ARMC9: variants seen among roughly 807,000 people sequenced by gnomAD.
ARMC9 encodes the protein armadillo repeat containing 9, also known as lisH domain-containing protein ARMC9.
ARMC9 carries 94 observed loss-of-function variants against 107.0 expected under a neutral mutation model. That is an observed-to-expected ratio of 0.88 (90% CI 0.74 to 1.04). The LOEUF (loss-of-function observed/expected upper bound fraction) is 1.04, where lower values mean the gene tolerates loss of function less well. Among genes scored for constraint, ARMC9 ranks in the 50% least tolerant of loss-of-function variants. The probability of loss-of-function intolerance (pLI) is 0.00; values close to 1 mark genes in which losing one functional copy is unlikely to be tolerated. For missense variants in ARMC9, 942 were observed against 1,030.1 expected, an observed-to-expected ratio of 0.91 and a Z score of 1.17; for synonymous variants, 380 against 396.9, an observed-to-expected ratio of 0.96 and a Z score of 0.51.
At chr2:231,292,287 A>C (rs1455754499) in intron 18 of ARMC9, among the ~76,000 whole-genome samples, 2 of 152,062 alleles carry the variant, frequency 1.3e-5, no homozygotes, top group Non-Finnish European at 2.9e-5. Context: ...CAATTACAGA[A>C]ACCCTCCCCT....
intron 23 of ARMC9, among the ~76,000 whole-genome samples, chr2:231,368,368 G>A (rs996903799): frequency 6.6e-6 from 1 of 152,078 alleles, no homozygotes; most frequent in Middle Eastern, 3.2e-3. Flanking sequence ...TTCTCAGCAC[G>A]CGTGAGCTTG....
chr2:231,269,043 C>T (rs1478885545), intron 12 of ARMC9, among the ~76,000 whole-genome samples: 1 of 152,086 alleles, frequency 6.6e-6, no homozygotes, highest in Non-Finnish European at 1.5e-5. Context: ...TCATCCTGGG[C>T]AACAAAGTGA....
intron 2 of ARMC9, among the ~76,000 whole-genome samples, chr2:231,206,579 T>A (rs1022116044): frequency 6.6e-6 from 1 of 152,240 alleles, no homozygotes; most frequent in African/African-American, 2.4e-5. Flanking sequence ...CCAGACTTTT[T>A]TCTATGTATA....
rs1374027961 is a variant in ARMC9, at chr2:231,355,978, T to A, written c.2131+44T>A. 2.7e-6 allele frequency: 4 copies of A among 1,505,702 alleles called. No individual in the cohort carries two copies. In the South Asian group the frequency reaches 3.7e-5, roughly 14 times the overall value. 93.3% of individuals were successfully genotyped at this position (1,505,702 alleles called of 1,614,324 possible). ...CACTGGGTCAGTTCTGGGATTGTGA[T>A]GTCTAGAACCTACGCAAAACAGCAG... On this transcript the variant is annotated intron_variant, in intron 22 of 24. Coordinates refer to ENST00000611582, the MANE Select transcript of ARMC9 (RefSeq NM_001352754.2).
At chr2:231,217,695 CAT>C (rs2033669280) in intron 5 of ARMC9, among the ~76,000 whole-genome samples, 1 of 152,012 alleles carries the variant, frequency 6.6e-6, no homozygotes, top group Admixed American at 6.6e-5. Context: ...TTGTAACACA[CAT>C]ATGTTTTGTT....
intron 19 of ARMC9, among the ~76,000 whole-genome samples, chr2:231,327,641 A>G (rs1020160131): frequency 6.6e-6 from 1 of 152,240 alleles, no homozygotes; most frequent in African/African-American, 2.4e-5. Context: ...TGAAACATTC[A>G]TATACAGATT....
chr2:231,348,318 T>A (rs1343556350), intron 21 of ARMC9, among the ~76,000 whole-genome samples: 1 of 152,162 alleles, frequency 6.6e-6, no homozygotes, highest in Non-Finnish European at 1.5e-5. Context: ...GCAGACACCC[T>A]CTAGAAACTG....
chr2:231,337,526 G>GTGGCAGGA (rs2044212198), intron 20 of ARMC9, among the ~76,000 whole-genome samples: 1 of 123,340 alleles, frequency 8.1e-6, no homozygotes, highest in African/African-American at 3.5e-5. Context: ...CTGGAGTTCA[G>GTGGCAGGA]TGGCGGGATC....
intron 21 of ARMC9, among the ~76,000 whole-genome samples, chr2:231,355,397 G>A (rs1299814051): frequency 6.6e-6 from 1 of 152,206 alleles, no homozygotes; most frequent in Admixed American, 6.5e-5. Context: ...TGCCACGGCT[G>A]ACATGACATG....
chr2:231,314,356 G>A (rs2125520367), intron 19 of ARMC9, among the ~76,000 whole-genome samples: 1 of 152,308 alleles, frequency 6.6e-6, no homozygotes, highest in East Asian at 1.9e-4. Flanking sequence ...GGGATTACAG[G>A]TGTGAGCCAC....
rs1400011706 is a variant in ARMC9 at position 231,337,288 on chromosome 2, ATATTTTTTTTTT to A, written c.1878+5393_1878+5404del. 3.0e-3 allele frequency among the ~76,000 whole-genome samples: 156 copies of A among 52,298 alleles called. 1 individual carries two copies. Among genetic ancestry groups the A allele is most frequent in the Admixed American group, 5.4e-3 (21 of 3,898 alleles). 34.3% of individuals were successfully genotyped at this position (52,298 alleles called of 152,430 possible). A position where few individuals can be genotyped will look rare whatever the true frequency, so the allele number is the denominator to read the frequency against. On this transcript the variant is annotated intron_variant, in intron 20 of 24. Transcript: ENST00000611582. Reference sequence around the variant, plus strand: ...TGTGTGTGTATATATATATATATATATATTTTTTTTTTTTTTTTTTTTTTTTTGAGACAGTGT... The same window carrying A: ...TGTGTGTGTATATATATATATATATATTTTTTTTTTTTTTTGAGACAGTGT...
rs7560711 is a variant in ARMC9, at chr2:231,218,199, A to G, written c.504+1406A>G. 6.0e-4 allele frequency among the ~76,000 whole-genome samples: 91 copies of G among 152,304 alleles called. 1 individual carries two copies. Among genetic ancestry groups the G allele is most frequent in the African/African-American group, 2.0e-3 (85 of 41,568 alleles). Reference sequence around the variant, plus strand: ...TTTCATTAAAGCAGGCCTTTTGTAGAGTAGCCCAAGTTGAAATTTTTGCTG... The same window carrying G: ...TTTCATTAAAGCAGGCCTTTTGTAGGGTAGCCCAAGTTGAAATTTTTGCTG... On this transcript the variant is annotated intron_variant, in intron 5 of 24. Coordinates refer to ENST00000611582, the MANE Select transcript of ARMC9 (RefSeq NM_001352754.2).
chr2:231,359,309 A>ACTC (rs1247467853), intron 22 of ARMC9, among the ~76,000 whole-genome samples: 1 of 150,470 alleles, frequency 6.6e-6, no homozygotes, highest in Non-Finnish European at 1.5e-5. Flanking sequence ...CTGGTCTCAA[A>ACTC]CTCCTGGCCT....
At chr2:231,256,123 C>T in intron 9 of ARMC9, 1 of 1,551,764 alleles carries the variant, frequency 6.4e-7, no homozygotes, top group Admixed American at 2.0e-5. Context: ...TGCAGCCTAT[C>T]AAGCTGGCCA....
chr2:231,224,622 C>T (rs1460328160), intron 6 of ARMC9, among the ~76,000 whole-genome samples: 1 of 152,174 alleles, frequency 6.6e-6, no homozygotes, highest in Non-Finnish European at 1.5e-5. Context: ...CATCCTGTTC[C>T]ACATGCTTTG....
At chr2:231,262,280 A>C in intron 11 of ARMC9, 26 bp from the exon 12 acceptor site, 1 of 1,609,620 alleles carries the variant, frequency 6.2e-7, no homozygotes, top group Non-Finnish European at 8.5e-7. Flanking sequence ...CTTAGGTCTC[A>C]CTACTTTTGT....
intron 17 of ARMC9, chr2:231,288,543 A>AGAGTT: frequency 2.2e-6 from 1 of 460,760 alleles, no homozygotes; most frequent in South Asian, 1.6e-5. Flanking sequence ...AATGCGCTAG[A>AGAGTT]GAGTTCAGTT....
chr2:231,365,658 A>T (rs1176714072), intron 23 of ARMC9, among the ~76,000 whole-genome samples: 1 of 139,686 alleles, frequency 7.2e-6, no homozygotes, highest in Non-Finnish European at 1.6e-5. Flanking sequence ...GGCAGATAGG[A>T]ACCAGCCGCA....
At chr2:231,332,262 C>A (rs913228925) in intron 20 of ARMC9, among the ~76,000 whole-genome samples, 1 of 152,130 alleles carries the variant, frequency 6.6e-6, no homozygotes, top group Non-Finnish European at 1.5e-5. Context: ...AAGTCCTTGG[C>A]GCAGAGGTGT....
Sources: allele counts gnomAD v4.1 joint callset (sites outside exome capture counted in the v4.1 genomes callset), GRCh38; gene constraint gnomAD v4.1.1; transcripts MANE v1.5; gene names NCBI Gene and HGNC (gene_info 2026-07-23, HGNC 2026-07-21).